CSMD2: variants seen among roughly 807,000 people sequenced by gnomAD.
CSMD2 encodes CUB and sushi domain-containing protein 2.
A neutral mutation model predicts 398.5 loss-of-function variants in CSMD2; 130 were observed. That is an observed-to-expected ratio of 0.33 (90% confidence interval 0.28 to 0.38). CSMD2 has a LOEUF of 0.38. CSMD2 is among the 10% of genes least tolerant of loss of function. The pLI, the probability that CSMD2 is intolerant of heterozygous loss-of-function variation, is 1.00. For missense variants in CSMD2, 3,829 were observed against 4,764.9 expected (o/e 0.80, Z 5.78); for synonymous variants, 1,828 against 1,908.5 (o/e 0.96, Z 1.10).
intron 10 of CSMD2, among the ~76,000 whole-genome samples, chr1:33,802,730 CT>C (rs1381946525): frequency 1.3e-5 from 2 of 152,188 alleles, no homozygotes; most frequent in South Asian, 4.1e-4. Context: ...TCTCCCCCTG[CT>C]CCTCGCAAAG....
chr1:34,067,052 G>A (rs551845993), intron 2 of CSMD2, among the ~76,000 whole-genome samples: 4 of 152,144 alleles, frequency 2.6e-5, no homozygotes, highest in Admixed American at 1.3e-4. Context: ...AGGCACAGGC[G>A]AGGATGAATG....
intron 25 of CSMD2, among the ~76,000 whole-genome samples, chr1:33,666,422 TTG>T (rs1190763754): frequency 1.3e-5 from 2 of 152,238 alleles, no homozygotes; most frequent in Non-Finnish European, 2.9e-5. Context: ...GTTTTCTTCT[TTG>T]CACACCTCTT....
chr1:33,599,914 C>T (rs1640098106), intron 44 of CSMD2: 2 of 525,612 alleles, frequency 3.8e-6, no homozygotes, highest in Non-Finnish European at 6.7e-6. Context: ...ACTGTATAGT[C>T]ACACCAGAGC....
chr1:33,638,706 C>T (rs1642943438), intron 29 of CSMD2, among the ~76,000 whole-genome samples: 1 of 152,204 alleles, frequency 6.6e-6, no homozygotes, highest in South Asian at 2.1e-4. Flanking sequence ...TCCAACGACA[C>T]TGGCCTCTGG....
intron 55 of CSMD2, among the ~76,000 whole-genome samples, chr1:33,553,467 C>T (rs959914283): frequency 6.6e-6 from 1 of 152,136 alleles, no homozygotes; most frequent in East Asian, 1.9e-4. Context: ...TGTCTATCTC[C>T]CTCTCCTTGA....
chr1:34,135,738 T>C (rs1638682206), intron 1 of CSMD2, among the ~76,000 whole-genome samples: 1 of 150,600 alleles, frequency 6.6e-6, no homozygotes, highest in Admixed American at 6.6e-5. Context: ...GAAAGAGGTA[T>C]AAGAGACATT....
At chr1:33,658,632 C>T (rs1571119638) in intron 26 of CSMD2, among the ~76,000 whole-genome samples, 1 of 152,242 alleles carries the variant, frequency 6.6e-6, no homozygotes, top group East Asian at 1.9e-4. Flanking sequence ...GAGGTCAAGG[C>T]AGGAAGGTCA....
intron 8 of CSMD2, 98 bp from the exon 9 acceptor site, chr1:33,819,935 T>C: frequency 1.3e-6 from 2 of 1,500,756 alleles, no homozygotes; most frequent in South Asian, 1.3e-5. Flanking sequence ...CATGTTATTT[T>C]TCCTTCTGGC....
chr1:33,610,551 G>C (rs916671584), intron 41 of CSMD2, among the ~76,000 whole-genome samples: 1 of 152,212 alleles, frequency 6.6e-6, no homozygotes, highest in Admixed American at 6.5e-5. Context: ...GCTGTGGTGA[G>C]TGTGGTTGGG....
chr1:33,578,600 A>C (rs1638463929), intron 48 of CSMD2, among the ~76,000 whole-genome samples: 1 of 152,134 alleles, frequency 6.6e-6, no homozygotes, highest in Non-Finnish European at 1.5e-5. Flanking sequence ...AACAAAAAAA[A>C]CAAAACAAAA....
rs530126107 is a variant in CSMD2 at position 33,994,097 on chromosome 1, A to G, written c.517+38497T>C. Among the ~76,000 whole-genome samples, 5 of 152,346 alleles carry G rather than the reference A, an allele frequency of 3.3e-5. No individual in the cohort carries two copies. The East Asian group carries it at 7.7e-4, about 24-fold the overall frequency. Reference sequence around the variant, plus strand: ...GTGAAGGGAGACACTGGAGGGCAATATAACAGTGAGGATACCCTTAAAGGA... The same window carrying G: ...GTGAAGGGAGACACTGGAGGGCAATGTAACAGTGAGGATACCCTTAAAGGA... On this transcript the variant is annotated intron_variant, in intron 3 of 70. Coordinates refer to ENST00000373381, the MANE Select transcript of CSMD2 (RefSeq NM_001281956.2).
chr1:34,013,337 C>T (rs1647627416), intron 3 of CSMD2, among the ~76,000 whole-genome samples: 1 of 152,226 alleles, frequency 6.6e-6, no homozygotes, highest in South Asian at 2.1e-4. Flanking sequence ...CCCATGCACA[C>T]ACACGACCTG....
intron 44 of CSMD2, among the ~76,000 whole-genome samples, chr1:33,592,661 T>C (rs1237808155): frequency 1.3e-5 from 2 of 152,134 alleles, no homozygotes; most frequent in Admixed American, 6.5e-5. Context: ...TTAAAAATTA[T>C]CATGACGGCC....
At chr1:34,142,064 G>A (rs1639345970) in intron 1 of CSMD2, among the ~76,000 whole-genome samples, 1 of 152,070 alleles carries the variant, frequency 6.6e-6, no homozygotes, top group Non-Finnish European at 1.5e-5. Context: ...CTTAAGGCAG[G>A]GATGCTGTCT....
chr1:33,623,810 A>G (rs549504281), intron 35 of CSMD2, among the ~76,000 whole-genome samples: 1 of 152,254 alleles, frequency 6.6e-6, no homozygotes, highest in African/African-American at 2.4e-5. Flanking sequence ...TCCTGCCTTG[A>G]TTTCATCAGA....
intron 55 of CSMD2, among the ~76,000 whole-genome samples, chr1:33,552,295 C>T (rs755346482): frequency 6.6e-6 from 1 of 152,198 alleles, no homozygotes; most frequent in Non-Finnish European, 1.5e-5. Flanking sequence ...AATCCTTATA[C>T]ACTGCTGGTA....
At chr1:33,949,750 A>G (rs931036797) in intron 3 of CSMD2, among the ~76,000 whole-genome samples, 4 of 152,190 alleles carry the variant, frequency 2.6e-5, no homozygotes, top group African/African-American at 9.7e-5. Flanking sequence ...CATGGCCAAG[A>G]GTACAGAAGC....
At chr1:33,849,339 CA>C (rs1410652484) in intron 5 of CSMD2, among the ~76,000 whole-genome samples, 1 of 152,150 alleles carries the variant, frequency 6.6e-6, no homozygotes, top group African/African-American at 2.4e-5. Flanking sequence ...AACCAGCTAC[CA>C]ATACCTGCAA....
chr1:33,626,446 G>A lies in CSMD2; in HGVS notation c.5296+40C>T, dbSNP rs376590722. On this transcript the variant is annotated intron_variant, in intron 33 of 70. Transcript: ENST00000373381. The stretch of plus-strand genomic sequence containing the variant: ...TTCGATCACGAGTCCCTTAAGAACC[G>A]AGATCACCTTCCTACCTCCGGCGTC... The A allele has an allele frequency of 1.3e-4, 182 of 1,445,814 alleles. 1 individual carries two copies. The South Asian group carries it at 1.8e-3, about 14-fold the overall frequency. The allele number at this position is 1,445,814 out of a possible 1,614,324, so 89.6% of individuals were successfully genotyped here.
Sources: gnomAD v4.1 joint callset for allele counts (sites outside exome capture counted in the v4.1 genomes callset) on GRCh38, gnomAD v4.1.1 for gene constraint, MANE v1.5 for transcripts, NCBI Gene and HGNC (gene_info 2026-07-23, HGNC 2026-07-21) for gene names.